The following DDAH1 variants were observed in gnomAD, a reference collection of about 807,000 sequenced individuals.
The protein encoded by DDAH1 is N(G),N(G)-dimethylarginine dimethylaminohydrolase 1.
In DDAH1, 19 loss-of-function variants were observed where a neutral mutation model predicts 28.8. The observed-to-expected ratio is 0.66, with a 90% confidence interval of 0.46 to 0.97. The LOEUF is 0.97. DDAH1 is among the 50% of genes least tolerant of loss of function. DDAH1 has a pLI of 0.00. For missense variants in DDAH1, 326 were observed against 375.9 expected, an observed-to-expected ratio of 0.87 and a Z score of 1.10; for synonymous variants, 153 against 154.4, an observed-to-expected ratio of 0.99 and a Z score of 0.07.
At chr1:85,398,567 A>T (rs182120020) in intron 1 of DDAH1, 1 of 152,302 alleles carries the variant, frequency 6.6e-6, no homozygotes, top group Admixed American at 6.5e-5. Context: ...ATTTCAAGGG[A>T]CAAGTCTCAT....
chr1:85,440,149 T>C (rs78464893), intron 1 of DDAH1, among the ~76,000 whole-genome samples: 2,575 of 152,288 alleles, frequency 0.017, 70 homozygotes, highest in East Asian at 0.12. Flanking sequence ...ATAATGAATA[T>C]TGAGGATGTA....
In DDAH1 at chr1:85,318,529, T is replaced by G. The variant is rs192648454; in HGVS notation, c.*2923A>C. ...TTTATTCCATTGTGATTGGTATACATGTAAGATTGAGACATCAAGAGACTA... is the reference window on the plus strand; with the variant it reads ...TTTATTCCATTGTGATTGGTATACAGGTAAGATTGAGACATCAAGAGACTA... On this transcript the variant is annotated 3_prime_UTR_variant, in exon 6 of 6. Coordinates refer to ENST00000284031, the MANE Select transcript of DDAH1 (RefSeq NM_012137.4). 5 of 152,744 alleles carry G rather than the reference T, an allele frequency of 3.3e-5. No homozygotes were observed. The East Asian group carries it at 9.6e-4, about 29-fold the overall frequency. The allele number at this position is 152,744 out of a possible 1,614,324, so 9.5% of individuals were successfully genotyped here.
chr1:85,368,150 T>C (rs574873859), intron 1 of DDAH1, among the ~76,000 whole-genome samples: 4 of 152,262 alleles, frequency 2.6e-5, no homozygotes, highest in East Asian at 1.9e-4. Context: ...AGACAGTAGA[T>C]TGTCAAACTA....
intron 1 of DDAH1, among the ~76,000 whole-genome samples, chr1:85,429,422 G>A (rs976391804): frequency 4.6e-5 from 7 of 152,148 alleles, no homozygotes; most frequent in South Asian, 2.1e-4. Context: ...TCATTCATGG[G>A]CATTTGGCTT....
chr1:85,350,389 TAGA>T, intron 4 of DDAH1, 23 bp downstream of exon 4: 1 of 1,606,266 alleles, frequency 6.2e-7, no homozygotes, highest in Non-Finnish European at 8.5e-7. Context: ...CCACTACATT[TAGA>T]AGGAGCACAG....
In DDAH1 at chr1:85,358,843, T is replaced by C. The variant is rs747279751; in HGVS notation, c.308A>G (p.Asp103Gly). The C allele has an allele frequency of 3.1e-6, 5 of 1,593,978 alleles. No individual in the cohort carries two copies. In the South Asian group the frequency reaches 4.6e-5, roughly 15 times the overall value. Residue 103 changes from aspartate to glycine, a missense_variant, in exon 2 of 6, where the codon GAC becomes GGC. Coordinates refer to ENST00000284031, the MANE Select transcript of DDAH1 (RefSeq NM_012137.4). ...TTTTTCTAATGCTTCTTTCATCATG[T>C]CAACCTGTTGAAAATAAAATGATTC... ...PGAPSRRKEVDMMKEALEKLQ... is the reference protein window; with the variant it reads ...PGAPSRRKEVGMMKEALEKLQ...
At chr1:85,421,092 A>C (rs900452784) in intron 1 of DDAH1, among the ~76,000 whole-genome samples, 1 of 152,176 alleles carries the variant, frequency 6.6e-6, no homozygotes, top group African/African-American at 2.4e-5. Flanking sequence ...GAACTCACTC[A>C]CTATTGTGAG....
chr1:85,450,568 G>A (rs952322055), intron 1 of DDAH1, among the ~76,000 whole-genome samples: 2 of 152,130 alleles, frequency 1.3e-5, no homozygotes, highest in East Asian at 1.9e-4. Flanking sequence ...ATTACCATAC[G>A]TACAATCCTT....
At chr1:85,407,736 T>C (rs1404861721) in intron 1 of DDAH1, among the ~76,000 whole-genome samples, 1 of 152,168 alleles carries the variant, frequency 6.6e-6, no homozygotes, top group African/African-American at 2.4e-5. Flanking sequence ...TATGAAACAT[T>C]ACCCTAAACA....
At chr1:85,454,791 A>G (rs1557650110) in intron 1 of DDAH1, among the ~76,000 whole-genome samples, 1 of 152,182 alleles carries the variant, frequency 6.6e-6, no homozygotes, top group African/African-American at 2.4e-5. Flanking sequence ...GCAATTGGGG[A>G]AAAAATGGTA....
chr1:85,478,150 G>A (rs942837423), intron 2 of DDAH1, among the ~76,000 whole-genome samples: 2 of 152,132 alleles, frequency 1.3e-5, no homozygotes, highest in African/African-American at 2.4e-5. Flanking sequence ...AATCATTTTG[G>A]AGAGAAATGG....
Position 85,350,480 on chromosome 1 carries a change from A to T in DDAH1, c.532T>A (p.Cys178Ser). 6.2e-7 allele frequency: 1 copy of T among 1,614,174 alleles called. No individual in the cohort carries two copies. The highest frequency in any genetic ancestry group is 8.5e-7 in the Non-Finnish European group (1 of 1,180,008). ...ATCAGGTTAGGCCCAGCCATGCTGC[A>T]GAAACTCTTCAAATGCAACCCATCT... Reference protein sequence around the residue: ...VADGLHLKSFCSMAGPNLIAI... With the variant: ...VADGLHLKSFSSMAGPNLIAI... The change falls in exon 4 of 6, where the codon TGC becomes AGC. Residue 178 changes from cysteine (C) to serine (S), a missense_variant. Transcript: ENST00000284031.
intron 1 of DDAH1, among the ~76,000 whole-genome samples, chr1:85,407,157 C>T (rs1652445208): frequency 6.6e-6 from 1 of 152,204 alleles, no homozygotes; most frequent in African/African-American, 2.4e-5. Context: ...CAGCTGCACA[C>T]AGACTTTCCC....
intron 2 of DDAH1, among the ~76,000 whole-genome samples, chr1:85,480,978 T>A (rs947530144): frequency 6.6e-6 from 1 of 151,888 alleles, no homozygotes; most frequent in African/African-American, 2.4e-5. Context: ...ACTTTTGCTA[T>A]CTTTAAGAAG....
At chr1:85,410,359 G>A (rs1570503396) in intron 1 of DDAH1, among the ~76,000 whole-genome samples, 1 of 151,952 alleles carries the variant, frequency 6.6e-6, no homozygotes, top group East Asian at 1.9e-4. Context: ...AGGAAATGAG[G>A]CCGGGCATGG....
chr1:85,351,716 C>T (rs930860748), intron 2 of DDAH1, 137 bp from the exon 3 acceptor site: 3 of 622,676 alleles, frequency 4.8e-6, no homozygotes, highest in South Asian at 2.2e-5. Flanking sequence ...AAAGAGACTA[C>T]AAAAAATGAT....
chr1:85,352,284 G>A (rs1219219006), intron 2 of DDAH1, among the ~76,000 whole-genome samples: 1 of 152,124 alleles, frequency 6.6e-6, no homozygotes, highest in Non-Finnish European at 1.5e-5. Flanking sequence ...GTGTGGGTGA[G>A]TGTGCTGTGA....
At chr1:85,556,597 G>C (rs937735075) in intron 1 of DDAH1, among the ~76,000 whole-genome samples, 1 of 151,790 alleles carries the variant, frequency 6.6e-6, no homozygotes, top group Non-Finnish European at 1.5e-5. Context: ...AGCTAAAGGT[G>C]TGTGTGTGTG....
At chr1:85,400,442 G>A (rs1652035651) in intron 1 of DDAH1, among the ~76,000 whole-genome samples, 1 of 151,920 alleles carries the variant, frequency 6.6e-6, no homozygotes, top group South Asian at 2.1e-4. Context: ...GATCTCGGGT[G>A]ATCTGCCTAC....
Sources: gnomAD v4.1 joint callset for allele counts (sites outside exome capture counted in the v4.1 genomes callset) on GRCh38, gnomAD v4.1.1 for gene constraint, MANE v1.5 for transcripts, NCBI Gene and HGNC (gene_info 2026-07-23, HGNC 2026-07-21) for gene names.